NELL1: variants seen among roughly 807,000 people sequenced by gnomAD.
The protein encoded by NELL1 is neural EGFL like 1, also known as protein kinase C-binding protein NELL1.
In NELL1, 76 loss-of-function variants were observed where a neutral mutation model predicts 107.4. The observed-to-expected ratio is 0.71, with a 90% CI of 0.59 to 0.86. The LOEUF (loss-of-function observed/expected upper bound fraction) is 0.86. Among genes scored for constraint, NELL1 ranks in the 40% least tolerant of loss-of-function variants. The pLI is 0.00. For missense variants in NELL1, 1,024 were observed against 1,005.5 expected, an observed-to-expected ratio of 1.02 and a Z score of -0.25; for synonymous variants, 353 against 341.2, an observed-to-expected ratio of 1.03 and a Z score of -0.38.
At chr11:21,112,596 G>A (rs775466560) in intron 12 of NELL1, among the ~76,000 whole-genome samples, 1 of 151,936 alleles carries the variant, frequency 6.6e-6, no homozygotes, top group Non-Finnish European at 1.5e-5. Context: ...ACTATAAAAC[G>A]GGAGTAGTGT....
At chr11:21,038,951 A>G (rs1355417652) in intron 12 of NELL1, among the ~76,000 whole-genome samples, 1 of 152,176 alleles carries the variant, frequency 6.6e-6, no homozygotes, top group Non-Finnish European at 1.5e-5. Context: ...GCTGACTTAC[A>G]TTCTGATGTG....
intron 15 of NELL1, among the ~76,000 whole-genome samples, chr11:21,457,288 G>A (rs1470750576): frequency 2.6e-5 from 4 of 152,142 alleles, no homozygotes; most frequent in South Asian, 2.1e-4. Flanking sequence ...ATGAAAAGTC[G>A]TAGAGACATG....
chr11:20,893,064 C>T (rs1849651198), intron 5 of NELL1, among the ~76,000 whole-genome samples: 1 of 151,986 alleles, frequency 6.6e-6, no homozygotes, highest in African/African-American at 2.4e-5. Flanking sequence ...AACACCATGG[C>T]ATACTACACA....
At chr11:21,523,477 C>G (rs551630847) in intron 15 of NELL1, among the ~76,000 whole-genome samples, 51 of 152,256 alleles carry the variant, frequency 3.3e-4, no homozygotes, top group African/African-American at 8.2e-4. Context: ...ATGCACTGTT[C>G]CTCTTCCTGT....
At chr11:21,371,149 C>A (rs1047948013) in intron 15 of NELL1, among the ~76,000 whole-genome samples, 1 of 152,038 alleles carries the variant, frequency 6.6e-6, no homozygotes, top group African/African-American at 2.4e-5. Flanking sequence ...ATTCGCCTTC[C>A]CTCCAACGAT....
Position 20,980,221 on chromosome 11 carries a change from G to A in NELL1, c.1300+19661G>A, listed in dbSNP as rs537926863. Among the ~76,000 whole-genome samples the A allele has an allele frequency of 1.8e-4, 28 of 152,262 alleles. No individual in the cohort carries two copies. In the South Asian group the frequency reaches 5.6e-3, roughly 30 times the overall value. On this transcript the variant is annotated intron_variant, in intron 12 of 19. Coordinates refer to ENST00000357134, the MANE Select transcript of NELL1 (RefSeq NM_006157.5). ...AGGAGGAAGGAGGTTAACGTTTCCT[G>A]AATCCCTCTTACACAGCAGACATTG...
At chr11:21,568,025 G>A (rs1004037443) in intron 17 of NELL1, among the ~76,000 whole-genome samples, 3 of 151,728 alleles carry the variant, frequency 2.0e-5, no homozygotes, top group Admixed American at 2.0e-4. Context: ...ATCACTTAAT[G>A]ACAGGGATAC....
rs376790801 is a variant in NELL1 at position 20,747,592 on chromosome 11, C to A, written c.185-36088C>A. Among the ~76,000 whole-genome samples the A allele has an allele frequency of 4.6e-5, 7 of 152,326 alleles. No homozygotes were observed. In the East Asian group the frequency reaches 7.7e-4, roughly 17 times the overall value. ...ACATCCATAAATGGATTAATCTATTCATGAAAGCAGAACCCTTATCACCTA... is the reference window on the plus strand; with the variant it reads ...ACATCCATAAATGGATTAATCTATTAATGAAAGCAGAACCCTTATCACCTA... On this transcript the variant is annotated intron_variant, in intron 2 of 19. Transcript: ENST00000357134.
At chr11:21,559,481 T>C (rs936303729) in intron 16 of NELL1, among the ~76,000 whole-genome samples, 2 of 152,162 alleles carry the variant, frequency 1.3e-5, no homozygotes, top group African/African-American at 2.4e-5. Flanking sequence ...TTTATGTTTT[T>C]ATTCCATTGT....
chr11:20,941,348 C>T (rs1850850835), intron 10 of NELL1, among the ~76,000 whole-genome samples: 2 of 152,176 alleles, frequency 1.3e-5, no homozygotes, highest in African/African-American at 2.4e-5. Context: ...TCTAATTACT[C>T]TTACAATATA....
At chr11:21,158,338 C>G (rs1856290615) in intron 13 of NELL1, among the ~76,000 whole-genome samples, 1 of 152,156 alleles carries the variant, frequency 6.6e-6, no homozygotes, top group African/African-American at 2.4e-5. Context: ...AGTCAATACT[C>G]CTCAATAAAC....
intron 14 of NELL1, among the ~76,000 whole-genome samples, chr11:21,307,360 A>G (rs1298462589): frequency 6.6e-6 from 1 of 151,722 alleles, no homozygotes; most frequent in Non-Finnish European, 1.5e-5. Flanking sequence ...GTTTTTGTAC[A>G]TGTGTATTGA....
intron 14 of NELL1, among the ~76,000 whole-genome samples, chr11:21,337,837 T>TTTTCTTTCTTTCTTTCTTTCTTTTCTTTC (rs1850466174): frequency 1.2e-5 from 1 of 86,616 alleles, no homozygotes; most frequent in African/African-American, 4.7e-5. Flanking sequence ...TCTTTCTTTC[T>TTTTCTTTCTTTCTTTCTTTCTTTTCTTTC]TTTCTTTCTT....
chr11:20,783,373 G>GT (rs199754808), intron 2 of NELL1, among the ~76,000 whole-genome samples: 2,557 of 152,272 alleles, frequency 0.017, 26 homozygotes, highest in South Asian at 0.061. Context: ...GAAAATCACT[G>GT]TCTGGCCAAT....
At chr11:21,213,757 C>A (rs796169240) in intron 13 of NELL1, among the ~76,000 whole-genome samples, 1 of 152,126 alleles carries the variant, frequency 6.6e-6, no homozygotes, top group South Asian at 2.1e-4. Context: ...CTTTTGAACA[C>A]ATGGCACTGG....
intron 7 of NELL1, among the ~76,000 whole-genome samples, chr11:20,920,413 G>A (rs1850352685): frequency 6.6e-6 from 1 of 152,008 alleles, no homozygotes; most frequent in Admixed American, 6.6e-5. Context: ...TTTCAAACTG[G>A]GTTTTTGGCT....
At chr11:21,410,410 C>T (rs545435013) in intron 15 of NELL1, among the ~76,000 whole-genome samples, 6 of 151,986 alleles carry the variant, frequency 3.9e-5, no homozygotes, top group Admixed American at 2.0e-4. Context: ...AGGAGGAAGG[C>T]GAGTAGGGAA....
intron 13 of NELL1, among the ~76,000 whole-genome samples, chr11:21,173,559 C>G (rs760740168): frequency 3.3e-5 from 5 of 151,792 alleles, no homozygotes; most frequent in African/African-American, 4.9e-5. Flanking sequence ...TCTTTCTTGC[C>G]TTCAGTTTAG....
intron 13 of NELL1, among the ~76,000 whole-genome samples, chr11:21,213,040 A>G (rs2133862763): frequency 6.6e-6 from 1 of 152,358 alleles, no homozygotes; most frequent in Middle Eastern, 3.4e-3. Context: ...CAGAAAATTA[A>G]TTTTATTCCT....
Sources: allele counts gnomAD v4.1 joint callset (sites outside exome capture counted in the v4.1 genomes callset), GRCh38; gene constraint gnomAD v4.1.1; transcripts MANE v1.5; gene names NCBI Gene and HGNC (gene_info 2026-07-23, HGNC 2026-07-21).